TCF4: variants seen among roughly 807,000 people sequenced by gnomAD.
The protein encoded by TCF4 is transcription factor 4.
A neutral mutation model predicts 82.1 loss-of-function variants in TCF4; 3 were observed. The ratio of observed to expected loss-of-function variants is 0.04; its 90% CI spans 0.02 to 0.09. TCF4 has a LOEUF of 0.09. Ranked by LOEUF, TCF4 falls within the 10% of genes least tolerant of loss-of-function variation. The probability of loss-of-function intolerance (pLI) is 1.00; values close to 1 mark genes in which losing one functional copy is unlikely to be tolerated. For synonymous variants in TCF4, 276 were observed against 309.6 expected, an observed-to-expected ratio of 0.89 and a Z score of 1.14; for missense variants, 518 against 852.7, an observed-to-expected ratio of 0.61 and a Z score of 4.89.
chr18:55,470,842 T>C (rs969512071), intron 3 of TCF4, among the ~76,000 whole-genome samples: 10 of 152,204 alleles, frequency 6.6e-5, no homozygotes, highest in African/African-American at 2.2e-4. Context: ...CGTTCAGAGA[T>C]AGGATGTCAA....
At chr18:55,396,095 C>CTA (rs1569353169) in intron 6 of TCF4, among the ~76,000 whole-genome samples, 2 of 152,068 alleles carry the variant, frequency 1.3e-5, no homozygotes, top group Non-Finnish European at 2.9e-5. Flanking sequence ...GGCCTGGAAT[C>CTA]GACCAGACAG....
intron 2 of TCF4, among the ~76,000 whole-genome samples, chr18:55,608,002 A>G (rs1835555065): frequency 6.6e-6 from 1 of 152,216 alleles, no homozygotes; most frequent in African/African-American, 2.4e-5. Flanking sequence ...AATGCTGATA[A>G]AAACTACAAA....
chr18:55,402,889 A>G (rs1488936497), intron 6 of TCF4, among the ~76,000 whole-genome samples: 1 of 152,200 alleles, frequency 6.6e-6, no homozygotes, highest in Non-Finnish European at 1.5e-5. Flanking sequence ...TAGCTCACGC[A>G]TGCTTCCCTT....
intron 8 of TCF4, among the ~76,000 whole-genome samples, chr18:55,333,137 T>G (rs2077922841): frequency 1.3e-5 from 2 of 151,730 alleles, no homozygotes; most frequent in Admixed American, 1.3e-4. Context: ...GTTTTAACCT[T>G]TTTTTCTTAA....
rs1425636431 is a variant in TCF4 at position 55,224,625 on chromosome 18, C to T, written c.*3410G>A. The T allele has an allele frequency of 1.3e-5, 2 of 151,772 alleles. No individual in the cohort carries two copies. The highest frequency in any genetic ancestry group is 2.9e-5 in the Non-Finnish European group (2 of 67,868). 9.4% of individuals were successfully genotyped at this position (151,772 alleles called of 1,614,324 possible). On this transcript the variant is annotated 3_prime_UTR_variant, in exon 20 of 20. Transcript: ENST00000354452. ...CCACTCCCCAACCCCTCATCAAAAT[C>T]AAGATCACAAATAAAAAAAAAAATT... is the stretch of plus-strand genomic sequence containing the variant.
In TCF4 at chr18:55,232,369, T is replaced by A. The variant is rs928398065; in HGVS notation, c.1649+140A>T. 3.4e-6 allele frequency: 3 copies of A among 892,372 alleles called. No individual in the cohort carries two copies. The African/African-American group carries it at 5.0e-5, about 15-fold the overall frequency. The allele number at this position is 892,372 out of a possible 1,614,324, so 55.3% of individuals were successfully genotyped here. On this transcript the variant is annotated intron_variant, in intron 17 of 19. Transcript: ENST00000354452. ...GTATCTGAAACGATACTTTTAGTAC[T>A]TCTAGAGTAGGCCTTTAATTTTCTT...
chr18:55,482,384 G>A (rs2096451670), intron 3 of TCF4: 1 of 152,242 alleles, frequency 6.6e-6, no homozygotes, highest in Admixed American at 6.5e-5. Context: ...TCACCGTGAT[G>A]AGAGGGATAG....
intron 3 of TCF4, among the ~76,000 whole-genome samples, chr18:55,493,814 G>A (rs1208343297): frequency 6.6e-6 from 1 of 152,008 alleles, no homozygotes; most frequent in Non-Finnish European, 1.5e-5. Flanking sequence ...TTCAGTTTTT[G>A]TAGTCTACAG....
intron 14 of TCF4, among the ~76,000 whole-genome samples, chr18:55,256,331 T>C (rs562725609): frequency 1.3e-5 from 2 of 152,108 alleles, no homozygotes; most frequent in Non-Finnish European, 2.9e-5. Context: ...AGAGAATAAC[T>C]GATGAAGGTA....
chr18:55,257,338 A>T lies in TCF4; in HGVS notation c.1123T>A (p.Tyr375Asn). 1 of 1,613,746 alleles carries T rather than the reference A, an allele frequency of 6.2e-7. No homozygotes were observed. ...NGGQASSSPN[Y>N]EGPLHSLQSR... is the part of the protein sequence containing the mutation. ...ACCAAAGAGTGTAAGGGTCCTTCAT[A>T]ATTAGGAGACGATGAGGCCTGTCCT... Residue 375 changes from tyrosine to asparagine, a missense_variant, in exon 14 of 20, where the codon TAT becomes AAT. By Grantham distance (143) the Tyr-to-Asn change is moderately radical. Transcript: ENST00000354452.
chr18:55,619,757 T>C (rs1190008183), intron 2 of TCF4, among the ~76,000 whole-genome samples: 1 of 152,218 alleles, frequency 6.6e-6, no homozygotes, highest in Admixed American at 6.5e-5. Flanking sequence ...TACCCAGTCA[T>C]GTTTGTTTCC....
chr18:55,587,985 C>G (rs913944932), intron 1 of TCF4, 53 bp downstream of exon 1: 6 of 963,486 alleles, frequency 6.2e-6, no homozygotes, highest in Admixed American at 6.4e-5. Flanking sequence ...AGCCCGAACC[C>G]CGCGCCGCCG....
intron 5 of TCF4, among the ~76,000 whole-genome samples, chr18:55,405,927 A>G (rs1185904613): frequency 1.3e-5 from 2 of 152,084 alleles, no homozygotes; most frequent in African/African-American, 2.4e-5. Flanking sequence ...ACAAAAATAA[A>G]CCCACTGCAA....
chr18:55,454,655 G>A (rs1319867374), intron 5 of TCF4, among the ~76,000 whole-genome samples: 2 of 152,112 alleles, frequency 1.3e-5, no homozygotes, highest in African/African-American at 4.8e-5. Context: ...CACATCACTG[G>A]CAAAGTCACT....
chr18:55,425,752 T>TA (rs2094953155), intron 5 of TCF4, among the ~76,000 whole-genome samples: 1 of 152,180 alleles, frequency 6.6e-6, no homozygotes. Context: ...TCAAAGGAAC[T>TA]AAAACACGAT....
At chr18:55,539,338 C>A (rs956076136) in intron 3 of TCF4, among the ~76,000 whole-genome samples, 1 of 152,076 alleles carries the variant, frequency 6.6e-6, no homozygotes, top group African/African-American at 2.4e-5. Flanking sequence ...CTTTGGTGGG[C>A]AAAGAAAGAG....
At chr18:55,324,585 T>C (rs1457436688) in intron 8 of TCF4, among the ~76,000 whole-genome samples, 1 of 152,176 alleles carries the variant, frequency 6.6e-6, no homozygotes. Context: ...TGAACTAGTC[T>C]ACTGCTTGTT....
At chr18:55,365,553 C>T (rs754409051) in intron 6 of TCF4, among the ~76,000 whole-genome samples, 12 of 151,830 alleles carry the variant, frequency 7.9e-5, no homozygotes, top group Admixed American at 2.6e-4. Flanking sequence ...GACCTCAGAG[C>T]GAGCCCATCA....
chr18:55,293,223 G>A (rs965803237), intron 8 of TCF4, among the ~76,000 whole-genome samples: 3 of 152,156 alleles, frequency 2.0e-5, no homozygotes, highest in African/African-American at 7.2e-5. Flanking sequence ...GGGCCCATCT[G>A]TAGGCAGATG....
Sources: allele counts gnomAD v4.1 joint callset (sites outside exome capture counted in the v4.1 genomes callset), GRCh38; gene constraint gnomAD v4.1.1; transcripts MANE v1.5; gene names NCBI Gene and HGNC (gene_info 2026-07-23, HGNC 2026-07-21).